The following CCDC192 variants were observed in gnomAD, a reference collection of about 807,000 sequenced individuals.
CCDC192 encodes coiled-coil domain containing 192.
chr5:127,735,895 CT>C (rs1253424281), intron 2 of CCDC192, among the ~76,000 whole-genome samples: 1 of 135,806 alleles, frequency 7.4e-6, no homozygotes, highest in Non-Finnish European at 1.5e-5. Context: ...TTGACTTCCT[CT>C]TTTCCTAATT....
At chr5:127,826,469 A>G (rs1317871305) in intron 5 of CCDC192, among the ~76,000 whole-genome samples, 1 of 151,976 alleles carries the variant, frequency 6.6e-6, no homozygotes, top group Non-Finnish European at 1.5e-5. Flanking sequence ...CTTTCTACTG[A>G]GAAAACATGT....
At chr5:127,843,067 C>T (rs540989595) in intron 5 of CCDC192, among the ~76,000 whole-genome samples, 2 of 112,352 alleles carry the variant, frequency 1.8e-5, no homozygotes, top group East Asian at 5.9e-4. Flanking sequence ...TGGAGTCTTG[C>T]TCAGTTGCCC....
chr5:127,729,515 T>C (rs922295884), intron 2 of CCDC192, among the ~76,000 whole-genome samples: 2 of 152,204 alleles, frequency 1.3e-5, no homozygotes, highest in Admixed American at 6.5e-5. Flanking sequence ...CTGAATCCAA[T>C]GGATCTGATA....
intron 6 of CCDC192, among the ~76,000 whole-genome samples, chr5:127,896,894 T>C (rs1752906929): frequency 1.3e-5 from 2 of 152,240 alleles, no homozygotes; most frequent in South Asian, 4.1e-4. Context: ...AGGTTACTAG[T>C]ATAGAGTATC....
intron 6 of CCDC192, among the ~76,000 whole-genome samples, chr5:127,921,530 ATTATG>A (rs901691893): frequency 6.6e-5 from 10 of 152,370 alleles, no homozygotes; most frequent in African/African-American, 1.4e-4. Flanking sequence ...AACAGAATGC[ATTATG>A]TTAAGTATTA....
intron 6 of CCDC192, among the ~76,000 whole-genome samples, chr5:127,910,513 G>A (rs1753316257): frequency 6.6e-6 from 1 of 152,194 alleles, no homozygotes; most frequent in Non-Finnish European, 1.5e-5. Context: ...ATAAATGGTT[G>A]GGTGTGTAGT....
intron 6 of CCDC192, among the ~76,000 whole-genome samples, chr5:127,903,132 C>T (rs1753090618): frequency 6.6e-6 from 1 of 152,048 alleles, no homozygotes; most frequent in Non-Finnish European, 1.5e-5. Context: ...AAGAGGCAGA[C>T]ACCAGCAGCT....
intron 5 of CCDC192, among the ~76,000 whole-genome samples, chr5:127,859,736 T>C (rs1159349354): frequency 1.3e-5 from 2 of 152,188 alleles, no homozygotes; most frequent in Non-Finnish European, 2.9e-5. Context: ...GTCTCTTAAA[T>C]GTCCTTCCAT....
rs543424568 is a variant in CCDC192, at chr5:127,808,049, T to G, written c.411+9887T>G. Among the ~76,000 whole-genome samples the G allele has an allele frequency of 1.7e-4, 26 of 152,302 alleles. No homozygotes were observed. In the South Asian group the frequency reaches 5.0e-3, roughly 29 times the overall value. ...TTATTGAGGACATTTATTATTCTAT[T>G]AGGTAGTATGCCTTCCTGCACCAGT... On this transcript the variant is annotated intron_variant, in intron 5 of 6. Coordinates refer to ENST00000514853, the MANE Select transcript of CCDC192 (RefSeq NM_001317938.2).
At chr5:127,810,730 A>G (rs907114977) in intron 5 of CCDC192, among the ~76,000 whole-genome samples, 5 of 152,244 alleles carry the variant, frequency 3.3e-5, no homozygotes, top group African/African-American at 1.2e-4. Flanking sequence ...ATAACCTGAC[A>G]GTAAACACAG....
chr5:127,862,038 C>A (rs1266588178), intron 5 of CCDC192, among the ~76,000 whole-genome samples: 1 of 151,872 alleles, frequency 6.6e-6, no homozygotes, highest in Non-Finnish European at 1.5e-5. Context: ...TTTTTTTTCT[C>A]CAAGTCAGAG....
chr5:127,822,619 G>A (rs918991908), intron 5 of CCDC192, among the ~76,000 whole-genome samples: 1 of 152,116 alleles, frequency 6.6e-6, no homozygotes, highest in African/African-American at 2.4e-5. Flanking sequence ...AGTCCTCACT[G>A]GTGAGTGGAT....
chr5:127,740,114 A>G (rs1753323961), intron 2 of CCDC192: 1 of 152,286 alleles, frequency 6.6e-6, no homozygotes, highest in Non-Finnish European at 1.5e-5. Flanking sequence ...AGAGAACGAC[A>G]CTGGGCAGTC....
At chr5:127,830,201 G>T (rs974999529) in intron 5 of CCDC192, among the ~76,000 whole-genome samples, 1 of 152,092 alleles carries the variant, frequency 6.6e-6, no homozygotes, top group Admixed American at 6.6e-5. Flanking sequence ...GCACGTGTGT[G>T]TCTTTTTCTG....
At position 127,883,970 on chromosome 5, in the gene CCDC192, C is replaced by T. The variant is rs979546823; in HGVS notation, c.535+8309C>T. ...TTGCCTATTGACCCCACGTGGACTA[C>T]TGCAGGCACAGAAAGGGAAAGGGTC... On this transcript the variant is annotated intron_variant, in intron 6 of 6. Coordinates refer to ENST00000514853, the MANE Select transcript of CCDC192 (RefSeq NM_001317938.2). Among the ~76,000 whole-genome samples the T allele has an allele frequency of 3.3e-5, 5 of 152,146 alleles. 1 individual carries two copies. Among genetic ancestry groups the T allele is most frequent in the Admixed American group, 3.3e-4 (5 of 15,280 alleles).
At chr5:127,861,378 G>A (rs914701891) in intron 5 of CCDC192, among the ~76,000 whole-genome samples, 6 of 151,564 alleles carry the variant, frequency 4.0e-5, no homozygotes, top group African/African-American at 1.2e-4. Context: ...TGCCTGGCCG[G>A]GCACAGTGGC....
intron 5 of CCDC192, among the ~76,000 whole-genome samples, chr5:127,846,143 G>T (rs988004575): frequency 6.6e-6 from 1 of 151,950 alleles, no homozygotes; most frequent in African/African-American, 2.4e-5. Flanking sequence ...ACAAAAATTA[G>T]CCAGTGGTGG....
At chr5:127,894,466 C>G (rs1752822588) in intron 6 of CCDC192, among the ~76,000 whole-genome samples, 3 of 152,160 alleles carry the variant, frequency 2.0e-5, no homozygotes, top group Admixed American at 6.5e-5. Flanking sequence ...GCTAGGATTA[C>G]ACGCGTGAGC....
At chr5:127,706,468 G>A (rs1212383926) in intron 1 of CCDC192, among the ~76,000 whole-genome samples, 1 of 146,514 alleles carries the variant, frequency 6.8e-6, no homozygotes, top group African/African-American at 2.5e-5. Flanking sequence ...TGGAGGCAGT[G>A]AGCCGAGATT....
Sources: allele counts gnomAD v4.1 joint callset (sites outside exome capture counted in the v4.1 genomes callset), GRCh38; gene constraint gnomAD v4.1.1; transcripts MANE v1.5; gene names NCBI Gene and HGNC (gene_info 2026-07-23, HGNC 2026-07-21).